The following FILIP1L variants were observed in gnomAD, a reference collection of about 807,000 sequenced individuals.
FILIP1L encodes filamin A-interacting protein 1-like.
FILIP1L carries 55 observed loss-of-function variants against 96.6 expected under a neutral mutation model. The ratio of observed to expected loss-of-function variants is 0.57; its 90% CI spans 0.46 to 0.71. FILIP1L has a LOEUF of 0.71. Among genes scored for constraint, FILIP1L ranks in the 30% least tolerant of loss-of-function variants. FILIP1L has a pLI of 0.00. For missense variants in FILIP1L, 1,304 were observed against 1,321.2 expected (o/e 0.99, Z 0.20); for synonymous variants, 467 against 473.9 (o/e 0.99, Z 0.19).
intron 1 of FILIP1L, 104 bp downstream of exon 1, chr3:100,113,949 C>A (rs61255658): frequency 0.054 from 8,284 of 152,150 alleles, 414 homozygotes; most frequent in East Asian, 0.17. Context: ...ATAATATTCA[C>A]AAGATCCTAC....
intron 4 of FILIP1L, among the ~76,000 whole-genome samples, chr3:99,908,874 G>T (rs1038201849): frequency 2.0e-5 from 3 of 150,802 alleles, no homozygotes; most frequent in Admixed American, 6.6e-5. Flanking sequence ...AATTCCTATT[G>T]TGTGTGTGTG....
chr3:100,066,678 C>T (rs2065670764), intron 1 of FILIP1L, among the ~76,000 whole-genome samples: 1 of 131,346 alleles, frequency 7.6e-6, no homozygotes, highest in South Asian at 2.7e-4. Context: ...ACTACAGGCG[C>T]CCGCCACTAC....
chr3:100,014,869 C>CTTTTT, intron 1 of FILIP1L, among the ~76,000 whole-genome samples: 1 of 18,528 alleles, frequency 5.4e-5, no homozygotes, highest in Non-Finnish European at 1.2e-4. Flanking sequence ...TTGTCTTTTT[C>CTTTTT]TTTTCTTTTT....
intron 1 of FILIP1L, among the ~76,000 whole-genome samples, chr3:99,960,637 A>C (rs1399227678): frequency 6.6e-6 from 1 of 152,162 alleles, no homozygotes; most frequent in Non-Finnish European, 1.5e-5. Flanking sequence ...CATTAGATTG[A>C]CATCTCAAGG....
intron 1 of FILIP1L, among the ~76,000 whole-genome samples, chr3:100,014,895 C>CA (rs1710286273): frequency 4.0e-5 from 1 of 25,008 alleles, no homozygotes; most frequent in African/African-American, 1.8e-4. Flanking sequence ...TTCTTTCTTT[C>CA]TTTTTTTTTT....
At chr3:99,891,433 T>A (rs1220944644) in intron 4 of FILIP1L, among the ~76,000 whole-genome samples, 1 of 152,236 alleles carries the variant, frequency 6.6e-6, no homozygotes, top group African/African-American at 2.4e-5. Context: ...TGTGCTTTGC[T>A]TTACCTTTCT....
chr3:99,851,538 G>C (rs1943696684), intron 4 of FILIP1L, among the ~76,000 whole-genome samples: 2 of 152,168 alleles, frequency 1.3e-5, no homozygotes, highest in South Asian at 4.2e-4. Flanking sequence ...TTTACTTCAG[G>C]GGCTTTTTAT....
chr3:100,097,507 G>A (rs925704398), intron 1 of FILIP1L, among the ~76,000 whole-genome samples: 4 of 152,098 alleles, frequency 2.6e-5, no homozygotes, highest in Non-Finnish European at 5.9e-5. Flanking sequence ...CACGAACACA[G>A]TATATCTCTC....
intron 1 of FILIP1L, among the ~76,000 whole-genome samples, chr3:100,009,703 C>T (rs1710088458): frequency 6.6e-6 from 1 of 152,242 alleles, no homozygotes; most frequent in Non-Finnish European, 1.5e-5. Flanking sequence ...ACATGATACA[C>T]TGGCACCTTT....
intron 5 of FILIP1L, among the ~76,000 whole-genome samples, chr3:99,840,809 C>G (rs749893680): frequency 6.6e-6 from 1 of 152,216 alleles, no homozygotes; most frequent in African/African-American, 2.4e-5. Flanking sequence ...TCACAGCTGA[C>G]TAGAAAAGGC....
intron 4 of FILIP1L, among the ~76,000 whole-genome samples, chr3:99,910,043 T>A (rs1259429968): frequency 9.8e-6 from 1 of 102,258 alleles, no homozygotes; most frequent in African/African-American, 2.9e-5. Context: ...AGTGAAGGGC[T>A]TCAGTGTGGG....
At chr3:99,991,500 A>G (rs1157871700) in intron 1 of FILIP1L, among the ~76,000 whole-genome samples, 4 of 152,120 alleles carry the variant, frequency 2.6e-5, no homozygotes, top group African/African-American at 9.7e-5. Flanking sequence ...CATTTCTTAC[A>G]TGCATATATT....
intron 1 of FILIP1L, among the ~76,000 whole-genome samples, chr3:100,058,703 C>CA (rs2065507946): frequency 6.6e-6 from 1 of 152,212 alleles, no homozygotes. Context: ...CAACAGACAA[C>CA]AGGGCCCATT....
At chr3:99,839,074 G>A (rs75846467) in intron 5 of FILIP1L, among the ~76,000 whole-genome samples, 5,924 of 152,042 alleles carry the variant, frequency 0.039, 152 homozygotes, top group Middle Eastern at 0.065. Context: ...GCACCTCTTT[G>A]GAGCACCTTT....
At chr3:99,991,223 A>C (rs1400662843) in intron 1 of FILIP1L, among the ~76,000 whole-genome samples, 1 of 152,184 alleles carries the variant, frequency 6.6e-6, no homozygotes, top group Non-Finnish European at 1.5e-5. Flanking sequence ...TAAGGAGAGA[A>C]TGTTCTCATT....
At chr3:100,092,822 C>T (rs2066136500) in intron 1 of FILIP1L, among the ~76,000 whole-genome samples, 1 of 151,504 alleles carries the variant, frequency 6.6e-6, no homozygotes, top group Non-Finnish European at 1.5e-5. Context: ...GTATCTATTA[C>T]CTCTGTATTG....
intron 4 of FILIP1L, among the ~76,000 whole-genome samples, chr3:99,856,077 C>T (rs1003258139): frequency 6.6e-6 from 1 of 152,058 alleles, no homozygotes; most frequent in Non-Finnish European, 1.5e-5. Flanking sequence ...TGGTTCTGAA[C>T]CTGTTGCTGC....
At chr3:99,843,109 C>T (rs771083988) in intron 5 of FILIP1L, among the ~76,000 whole-genome samples, 1 of 152,178 alleles carries the variant, frequency 6.6e-6, no homozygotes, top group African/African-American at 2.4e-5. Flanking sequence ...CTTCCTTGCT[C>T]TTTCTTGTAT....
In FILIP1L at chr3:99,848,750, T is replaced by C. The variant is rs780059578; in HGVS notation, c.2926A>G (p.Ile976Val). 3 of 1,614,018 alleles carry C rather than the reference T, an allele frequency of 1.9e-6. No homozygotes were observed. Among genetic ancestry groups the C allele is most frequent in the Admixed American group, 3.3e-5 (2 of 59,998 alleles). ...LMNLEQGMSP[I>V]TMATFARAQT... The stretch of plus-strand genomic sequence containing the variant: ...GCTCTGGCAAAGGTTGCCATGGTAA[T>C]TGGGGACATGCCTTGTTCTAAATTC... The change falls in exon 5 of 6, where the codon ATT becomes GTT. Residue 976 changes from isoleucine to valine, a missense_variant. By Grantham distance (29) the Ile-to-Val change is conservative. Coordinates refer to ENST00000477258, the MANE Select transcript of FILIP1L (RefSeq NM_001387850.1).
Sources: gnomAD v4.1 joint callset for allele counts (sites outside exome capture counted in the v4.1 genomes callset) on GRCh38, gnomAD v4.1.1 for gene constraint, MANE v1.5 for transcripts, NCBI Gene and HGNC (gene_info 2026-07-23, HGNC 2026-07-21) for gene names.